The following THSD7A variants were observed in gnomAD, a reference collection of about 807,000 sequenced individuals.
The protein encoded by THSD7A is thrombospondin type-1 domain-containing protein 7A.
THSD7A carries 96 observed loss-of-function variants against 231.3 expected under a neutral mutation model. That is an observed-to-expected ratio of 0.41 (90% confidence interval 0.35 to 0.49). THSD7A has a LOEUF of 0.49. Ranked by LOEUF, THSD7A falls within the 20% of genes least tolerant of loss-of-function variation. The pLI, the probability that THSD7A is intolerant of heterozygous loss-of-function variation, is 0.05. For missense variants in THSD7A, 2,290 were observed against 2,070.2 expected (o/e 1.11, Z -2.06); for synonymous variants, 940 against 743.3 (o/e 1.26, Z -4.30).
intron 1 of THSD7A, among the ~76,000 whole-genome samples, chr7:11,724,512 A>G (rs1270238489): frequency 6.6e-6 from 1 of 151,908 alleles, no homozygotes; most frequent in Non-Finnish European, 1.5e-5. Flanking sequence ...AAATTTAATG[A>G]AAAGAAAATA....
intron 2 of THSD7A, among the ~76,000 whole-genome samples, chr7:11,598,658 C>T (rs1334824300): frequency 2.0e-5 from 3 of 152,228 alleles, no homozygotes; most frequent in South Asian, 4.1e-4. Context: ...TCCAGACGGC[C>T]GTGAATGCTC....
At chr7:11,830,220 A>G (rs1174813704) in intron 1 of THSD7A, among the ~76,000 whole-genome samples, 1 of 152,202 alleles carries the variant, frequency 6.6e-6, no homozygotes, top group African/African-American at 2.4e-5. Context: ...CAGATGCTGT[A>G]CAGTGAATGT....
intron 1 of THSD7A, among the ~76,000 whole-genome samples, chr7:11,817,791 T>A (rs376496676): frequency 1.6e-4 from 24 of 152,178 alleles, no homozygotes; most frequent in African/African-American, 5.8e-4. Context: ...AGACAGAGAT[T>A]AGAAATCATA....
In THSD7A at chr7:11,379,717, G is replaced by A. The variant is rs966600139; in HGVS notation, c.4508-5C>T. On this transcript the variant is annotated splice_polypyrimidine_tract_variant and splice_region_variant and intron_variant, in intron 24 of 27. Transcript: ENST00000423059. ...GGCTCATCACCAAGCAGCCCCCTGCGGAACAGAAAATCATGTTTTGACAAA... is the reference window on the plus strand; with the variant it reads ...GGCTCATCACCAAGCAGCCCCCTGCAGAACAGAAAATCATGTTTTGACAAA... The A allele has an allele frequency of 1.4e-5, 22 of 1,579,266 alleles. No homozygotes were observed. Among genetic ancestry groups the A allele is most frequent in the African/African-American group, 1.1e-4 (8 of 74,206 alleles).
intron 1 of THSD7A, among the ~76,000 whole-genome samples, chr7:11,830,980 C>G (rs1452763702): frequency 6.6e-6 from 1 of 152,096 alleles, no homozygotes; most frequent in Non-Finnish European, 1.5e-5. Flanking sequence ...AGAGAGAAAG[C>G]GAACCCGCAG....
intron 17 of THSD7A, among the ~76,000 whole-genome samples, chr7:11,416,258 G>A (rs1419036988): frequency 6.6e-6 from 1 of 152,124 alleles, no homozygotes; most frequent in African/African-American, 2.4e-5. Flanking sequence ...ACTGGACAAA[G>A]TTCCAGTTTA....
At chr7:11,537,659 G>T (rs1169166275) in intron 6 of THSD7A, among the ~76,000 whole-genome samples, 1 of 152,020 alleles carries the variant, frequency 6.6e-6, no homozygotes. Flanking sequence ...CAGCCTGCAG[G>T]ACTGCGAGCC....
chr7:11,486,719 C>CT (rs146616865), intron 6 of THSD7A, among the ~76,000 whole-genome samples: 2,286 of 152,230 alleles, frequency 0.015, 62 homozygotes, highest in African/African-American at 0.052. Flanking sequence ...AATATACTAT[C>CT]TTTTTTGGCA....
intron 1 of THSD7A, among the ~76,000 whole-genome samples, chr7:11,707,087 T>C (rs1040513082): frequency 5.3e-5 from 8 of 150,870 alleles, no homozygotes; most frequent in African/African-American, 1.7e-4. Flanking sequence ...ATTTCACCAT[T>C]AAACTAAGGG....
chr7:11,461,012 G>A (rs1785487212), intron 10 of THSD7A, among the ~76,000 whole-genome samples: 1 of 152,168 alleles, frequency 6.6e-6, no homozygotes, highest in Non-Finnish European at 1.5e-5. Flanking sequence ...ACTCTACAGA[G>A]AACATTTAGA....
chr7:11,432,094 C>T (rs954530943), intron 13 of THSD7A, among the ~76,000 whole-genome samples: 2 of 152,054 alleles, frequency 1.3e-5, no homozygotes, highest in African/African-American at 4.8e-5. Context: ...CCTAGCCTTG[C>T]CTAATCATAA....
intron 1 of THSD7A, among the ~76,000 whole-genome samples, chr7:11,746,338 C>A (rs959030280): frequency 1.3e-5 from 2 of 151,866 alleles, no homozygotes; most frequent in Non-Finnish European, 1.5e-5. Flanking sequence ...TGGTATATTA[C>A]TATTAACTGA....
At chr7:11,668,617 TCAAA>T (rs1338488933) in intron 1 of THSD7A, among the ~76,000 whole-genome samples, 3 of 151,398 alleles carry the variant, frequency 2.0e-5, no homozygotes, top group Admixed American at 6.6e-5. Flanking sequence ...AATAAATGAA[TCAAA>T]CAAACAAAGA....
At chr7:11,791,053 A>G (rs1783936550) in intron 1 of THSD7A, among the ~76,000 whole-genome samples, 2 of 151,974 alleles carry the variant, frequency 1.3e-5, no homozygotes, top group African/African-American at 4.8e-5. Flanking sequence ...AGCCTTGTAT[A>G]ATGTTCTTAT....
chr7:11,719,832 A>T (rs1447267813), intron 1 of THSD7A, among the ~76,000 whole-genome samples: 2 of 151,778 alleles, frequency 1.3e-5, no homozygotes, highest in East Asian at 3.9e-4. Context: ...AGTCTACTAA[A>T]ATAGCCCTGA....
rs17552742 is a variant in THSD7A at position 11,375,883 on chromosome 7, A to G, written c.4890-5T>C. On this transcript the variant is annotated splice_polypyrimidine_tract_variant and splice_region_variant and intron_variant, in intron 27 of 27. Coordinates refer to ENST00000423059, the MANE Select transcript of THSD7A (RefSeq NM_015204.3). ...TGGGGTTTCTTTGGCTTTTTGCTGT[A>G]AAAAAATTCGGAATTAGGAGAAAGA... The G allele has an allele frequency of 0.012, 19,300 of 1,599,438 alleles. 176 individuals carry two copies. Among genetic ancestry groups the G allele is most frequent in the Non-Finnish European group, 0.015 (17,293 of 1,168,408 alleles).
intron 4 of THSD7A, among the ~76,000 whole-genome samples, chr7:11,587,583 T>C (rs1584033424): frequency 1.3e-5 from 2 of 152,212 alleles, no homozygotes; most frequent in East Asian, 3.9e-4. Flanking sequence ...ACAAATAGCA[T>C]ACTAAATTGT....
intron 1 of THSD7A, among the ~76,000 whole-genome samples, chr7:11,718,572 A>G (rs1781225478): frequency 6.6e-6 from 1 of 151,728 alleles, no homozygotes; most frequent in Non-Finnish European, 1.5e-5. Context: ...TGTCATAATT[A>G]TCTACATTAT....
chr7:11,797,462 G>T (rs148221530), intron 1 of THSD7A, among the ~76,000 whole-genome samples: 1 of 125,648 alleles, frequency 8.0e-6, no homozygotes, highest in African/African-American at 3.1e-5. Flanking sequence ...TGTAACCCAC[G>T]CTGGAGTGCA....
Sources: allele counts gnomAD v4.1 joint callset (sites outside exome capture counted in the v4.1 genomes callset), GRCh38; gene constraint gnomAD v4.1.1; transcripts MANE v1.5; gene names NCBI Gene and HGNC (gene_info 2026-07-23, HGNC 2026-07-21).